The following HMCN1 variants were observed in gnomAD, a reference collection of about 807,000 sequenced individuals.
HMCN1 encodes hemicentin-1.
In HMCN1, 321 loss-of-function variants were observed where a neutral mutation model predicts 625.9. The ratio of observed to expected loss-of-function variants is 0.51; its 90% confidence interval spans 0.47 to 0.56. HMCN1 has a LOEUF of 0.56. Ranked by LOEUF, HMCN1 falls within the 20% of genes least tolerant of loss-of-function variation. The pLI is 0.00. For synonymous variants in HMCN1, 2,425 were observed against 2,417.6 expected (o/e 1.00, Z -0.09); for missense variants, 6,588 against 6,887.3 (o/e 0.96, Z 1.54).
At chr1:186,188,142 AGT>A (rs1653472676) in intron 106 of HMCN1, 133 bp downstream of exon 106, 1 of 1,082,762 alleles carries the variant, frequency 9.2e-7, no homozygotes, top group Non-Finnish European at 1.4e-6. Context: ...GTGGGGTTAC[AGT>A]AAGTATTCTC....
At chr1:186,165,241 G>T (rs1345926468) in intron 98 of HMCN1, 68 bp downstream of exon 98, 3 of 1,290,404 alleles carry the variant, frequency 2.3e-6, no homozygotes, top group Admixed American at 1.7e-5. Flanking sequence ...CATTTAATGG[G>T]TATCTATTGC....
intron 22 of HMCN1, among the ~76,000 whole-genome samples, chr1:185,992,314 T>C (rs1652482961): frequency 6.6e-6 from 1 of 152,194 alleles, no homozygotes; most frequent in African/African-American, 2.4e-5. Flanking sequence ...TGTGCACTTT[T>C]TGTATCTTAA....
chr1:186,143,261 G>T (rs1476225054), intron 89 of HMCN1, among the ~76,000 whole-genome samples: 1 of 152,174 alleles, frequency 6.6e-6, no homozygotes, highest in African/African-American at 2.4e-5. Flanking sequence ...AACTTGTTCT[G>T]GAGAATATTT....
chr1:185,871,229 A>C (rs1281313484), intron 4 of HMCN1, among the ~76,000 whole-genome samples: 2 of 122,816 alleles, frequency 1.6e-5, no homozygotes, highest in Non-Finnish European at 3.3e-5. Context: ...ACTCCGTCTC[A>C]AAAAAAAAAA....
At chr1:185,884,798 T>C (rs1167136088) in intron 4 of HMCN1, among the ~76,000 whole-genome samples, 2 of 152,004 alleles carry the variant, frequency 1.3e-5, no homozygotes, top group African/African-American at 2.4e-5. Context: ...GAGCATGATA[T>C]CTCAAAATCA....
intron 100 of HMCN1, 116 bp downstream of exon 100, chr1:186,167,058 G>A (rs952012378): frequency 4.9e-5 from 64 of 1,307,978 alleles, no homozygotes; most frequent in Admixed American, 3.6e-5. Flanking sequence ...CACATAAAAG[G>A]GAGAGAATGA....
intron 6 of HMCN1, among the ~76,000 whole-genome samples, chr1:185,912,422 T>C (rs1666474632): frequency 6.6e-6 from 1 of 152,198 alleles, no homozygotes; most frequent in East Asian, 1.9e-4. Flanking sequence ...TTAAGTGGTA[T>C]ATATTTCCTC....
chr1:185,893,276 T>C (rs559486507), intron 4 of HMCN1, among the ~76,000 whole-genome samples: 2 of 152,318 alleles, frequency 1.3e-5, no homozygotes, highest in East Asian at 3.9e-4. Context: ...ATCTTCTGCG[T>C]TGCTCAGGCT....
intron 106 of HMCN1, among the ~76,000 whole-genome samples, chr1:186,188,579 C>G (rs1052922049): frequency 3.3e-5 from 5 of 152,154 alleles, no homozygotes; most frequent in African/African-American, 1.2e-4. Flanking sequence ...ATGTTGTACT[C>G]TATCCAGGTA....
intron 16 of HMCN1, among the ~76,000 whole-genome samples, chr1:185,979,281 A>C (rs1043559293): frequency 6.6e-6 from 1 of 152,174 alleles, no homozygotes; most frequent in Non-Finnish European, 1.5e-5. Context: ...TTTGATAGGC[A>C]GGAAAAGGTA....
chr1:186,179,482 A>AT (rs141422803), intron 104 of HMCN1, among the ~76,000 whole-genome samples: 6,496 of 152,184 alleles, frequency 0.043, 306 homozygotes, highest in African/African-American at 0.12. Context: ...ATTTAACTCA[A>AT]TTTTCTGTGA....
intron 1 of HMCN1, among the ~76,000 whole-genome samples, chr1:185,784,442 G>A (rs1333822038): frequency 6.6e-6 from 1 of 152,034 alleles, no homozygotes; most frequent in Non-Finnish European, 1.5e-5. Flanking sequence ...CTTCTGCGTC[G>A]CTCATGCTGG....
chr1:185,917,953 C>G (rs980765634), intron 6 of HMCN1, among the ~76,000 whole-genome samples: 5 of 152,128 alleles, frequency 3.3e-5, no homozygotes, highest in Non-Finnish European at 5.9e-5. Context: ...TCACTCTGCT[C>G]CTTCTTTTCC....
intron 1 of HMCN1, among the ~76,000 whole-genome samples, chr1:185,777,267 A>G (rs1435267541): frequency 6.6e-6 from 1 of 152,202 alleles, no homozygotes; most frequent in Non-Finnish European, 1.5e-5. Flanking sequence ...CGAAGGCATC[A>G]ATGCAGAACA....
chr1:185,998,784 A>G (rs1652980544), intron 25 of HMCN1, among the ~76,000 whole-genome samples: 1 of 152,090 alleles, frequency 6.6e-6, no homozygotes, highest in Admixed American at 6.6e-5. Flanking sequence ...TGGTTGTTCT[A>G]TCATTTAAAA....
intron 1 of HMCN1, among the ~76,000 whole-genome samples, chr1:185,827,006 C>T (rs779952448): frequency 6.6e-5 from 10 of 151,444 alleles, no homozygotes; most frequent in African/African-American, 2.4e-4. Context: ...GAAACCTTGT[C>T]TCTACTAAAA....
intron 48 of HMCN1, among the ~76,000 whole-genome samples, chr1:186,064,575 C>T (rs532281793): frequency 4.6e-5 from 7 of 151,704 alleles, no homozygotes; most frequent in Admixed American, 6.6e-5. Context: ...TTTGGGAGGC[C>T]GAGGCAGGTG....
chr1:185,888,937 A>G (rs1223357732), intron 4 of HMCN1, among the ~76,000 whole-genome samples: 1 of 147,696 alleles, frequency 6.8e-6, no homozygotes, highest in Non-Finnish European at 1.5e-5. Context: ...CTTTCTACCC[A>G]TGAGCATGGA....
Position 186,151,291 on chromosome 1 carries a change from C to T in HMCN1, c.14700C>T (p.Ser4900=), listed in dbSNP as rs1331771284. The T allele has an allele frequency of 1.2e-6, 2 of 1,612,964 alleles. No individual in the cohort carries two copies. Among genetic ancestry groups the T allele is most frequent in the Non-Finnish European group, 1.7e-6 (2 of 1,179,144 alleles). ...IAFLNATITD[S]PNSDTRIIRA... ...TCCTTAATGCCACAATAACTGATAG[C>T]CCTAACTCTGATACTAGAATAATAC... Residue 4900 remains serine, a synonymous_variant, in exon 94 of 107, where the codon AGC becomes AGT. Transcript: ENST00000271588.
Sources: gnomAD v4.1 joint callset for allele counts (sites outside exome capture counted in the v4.1 genomes callset) on GRCh38, gnomAD v4.1.1 for gene constraint, MANE v1.5 for transcripts, NCBI Gene and HGNC (gene_info 2026-07-23, HGNC 2026-07-21) for gene names.